UBN2: variants seen among roughly 807,000 people sequenced by gnomAD.
UBN2 encodes ubinuclein-2.
Under a neutral mutation model 120.2 loss-of-function variants are expected in UBN2, and 35 were observed. That is an observed-to-expected ratio of 0.29 (90% CI 0.22 to 0.39). The LOEUF (loss-of-function observed/expected upper bound fraction) is 0.39. Among genes scored for constraint, UBN2 ranks in the 10% least tolerant of loss-of-function variants. UBN2 has a pLI of 1.00. For missense variants in UBN2, 1,693 were observed against 1,663.2 expected, an observed-to-expected ratio of 1.02 and a Z score of -0.31; for synonymous variants, 661 against 648.7, an observed-to-expected ratio of 1.02 and a Z score of -0.29.
Position 139,231,786 on chromosome 7 carries a change from C to A in UBN2, c.302C>A (p.Pro101Gln). Residue 101 changes from proline to glutamine, a missense_variant, in exon 1 of 18, where the codon CCG (proline) becomes CAG (glutamine). This residue lies in a region of UBN2 where 663 missense variants were observed against 591.2 expected (regional missense o/e 1.12). Transcript: ENST00000473989. ...CCCGAGCCGCCGCCGCCGTTCCCGC[C>A]GCTGCCCTTGCAGCCGCCCCCGCCG... is the stretch of plus-strand genomic sequence containing the variant. ...PRPEPPPPFP[P>Q]LPLQPPPPRE... 7.3e-7 allele frequency: 1 copy of A among 1,373,578 alleles called. No individual in the cohort carries two copies. The highest frequency in any genetic ancestry group is 3.0e-5 in the Admixed American group (1 of 33,366). The allele number at this position is 1,373,578 out of a possible 1,614,324, so 85.1% of individuals were successfully genotyped here.
At chr7:139,309,504 T>C (rs889683340), downstream of UBN2, among the ~76,000 whole-genome samples, 3 of 152,264 alleles carry the variant, frequency 2.0e-5, no homozygotes, top group Non-Finnish European at 4.4e-5. Context: ...AACTGTGTTT[T>C]CACCATCTTG....
In UBN2 at chr7:139,299,282, A is replaced by G. The variant is rs113397890; in HGVS notation, c.*1446A>G. 52 of 152,278 alleles carry G rather than the reference A, an allele frequency of 3.4e-4. No individual in the cohort carries two copies. The highest frequency in any genetic ancestry group is 1.1e-3 in the African/African-American group (45 of 41,582). 9.4% of individuals were successfully genotyped at this position (152,278 alleles called of 1,614,324 possible). On this transcript the variant is annotated 3_prime_UTR_variant, in exon 18 of 18. Transcript: ENST00000473989. ...ACTCTAAATGGTATAAGCTTCATCC[A>G]TTTATAATGACACTAACCTAAAAAA...
intron 8 of UBN2, among the ~76,000 whole-genome samples, chr7:139,271,304 T>A (rs1251891271): frequency 6.6e-6 from 1 of 152,212 alleles, no homozygotes; most frequent in African/African-American, 2.4e-5. Context: ...TAAAAACAGT[T>A]GTTTTGGCTG....
At chr7:139,266,534 A>G (rs974818284) in intron 7 of UBN2, 131 bp downstream of exon 7, 12 of 487,998 alleles carry the variant, frequency 2.5e-5, no homozygotes, top group Non-Finnish European at 4.5e-5. Context: ...AGCATGTATG[A>G]TTCACATTTG....
At chr7:139,242,144 A>T (rs1404944399) in intron 2 of UBN2, among the ~76,000 whole-genome samples, 3 of 152,218 alleles carry the variant, frequency 2.0e-5, no homozygotes, top group Non-Finnish European at 4.4e-5. Context: ...GGCTAAGTGG[A>T]AAGAAATATA....
intron 2 of UBN2, among the ~76,000 whole-genome samples, chr7:139,244,265 ACTGCCAGGCAGAACCACT>A (rs1468848144): frequency 9.9e-5 from 15 of 152,204 alleles, no homozygotes; most frequent in Non-Finnish European, 1.8e-4. Context: ...CTGTAAGTCC[ACTGCCAGGCAGAACCACT>A]GTGAATAGTT....
At chr7:139,232,699 T>A (rs960128900) in intron 1 of UBN2, among the ~76,000 whole-genome samples, 2 of 152,230 alleles carry the variant, frequency 1.3e-5, no homozygotes, top group Admixed American at 6.5e-5. Flanking sequence ...CCCGTCATAT[T>A]ATTTAAGTGT....
the UBN2 span, among the ~76,000 whole-genome samples, chr7:139,324,669 C>T: frequency 6.7e-6 from 1 of 150,224 alleles, no homozygotes; most frequent in Middle Eastern, 3.4e-3. Flanking sequence ...AAATAACGTG[C>T]TAAAGATTTT....
At position 139,239,551 on chromosome 7, in the gene UBN2, C is replaced by CTTTTTT. The variant is rs774812960; in HGVS notation, c.561+2472_561+2477dup. Among the ~76,000 whole-genome samples, 13 of 94,574 alleles carry CTTTTTT rather than the reference C, an allele frequency of 1.4e-4. 1 individual carries two copies. Among genetic ancestry groups the CTTTTTT allele is most frequent in the African/African-American group, 4.6e-4 (10 of 21,962 alleles). 62.0% of individuals were successfully genotyped at this position (94,574 alleles called of 152,430 possible). A position where few individuals can be genotyped will look rare whatever the true frequency, so the allele number is the denominator to read the frequency against. On this transcript the variant is annotated intron_variant, in intron 2 of 17. Transcript: ENST00000473989. ...TCCCTCCATCACTATATTAGAGTGTCTTTTTTTTTTTTTTTTTTTTTTTGA... is the reference window on the plus strand; with the variant it reads ...TCCCTCCATCACTATATTAGAGTGTCTTTTTTTTTTTTTTTTTTTTTTTTTTTTTGA...
chr7:139,312,492 G>A (rs529604134), downstream of UBN2, among the ~76,000 whole-genome samples: 41 of 152,294 alleles, frequency 2.7e-4, no homozygotes, highest in Admixed American at 6.5e-4. Context: ...GTGATAGTTA[G>A]TCTTCCCTTC....
the UBN2 span, among the ~76,000 whole-genome samples, chr7:139,320,200 G>A: frequency 6.6e-6 from 1 of 152,102 alleles, no homozygotes; most frequent in Non-Finnish European, 1.5e-5. Flanking sequence ...GATGGCTCAT[G>A]CCTGTAATCC....
At chr7:139,315,836 G>A in the UBN2 span, among the ~76,000 whole-genome samples, 2 of 152,032 alleles carry the variant, frequency 1.3e-5, no homozygotes, top group African/African-American at 4.8e-5. Flanking sequence ...CAGCACTTTG[G>A]GGGGCAGAGG....
In UBN2 at chr7:139,283,592, A is replaced by G. The variant is rs1364376923; in HGVS notation, c.2687A>G (p.His896Arg). Reference protein sequence around the residue: ...QIHTSSSSQTHVSSSSQAQIA... With the variant: ...QIHTSSSSQTRVSSSSQAQIA... ...CACACTTCTTCCTCTTCACAGACCC[A>G]TGTCTCCTCTTCTTCCCAAGCCCAA... The change falls in exon 15 of 18, where the codon CAT becomes CGT. Residue 896 changes from histidine to arginine, a missense_variant. By Grantham distance (29) the His-to-Arg change is conservative. Transcript: ENST00000473989. The G allele has an allele frequency of 1.2e-6, 2 of 1,614,112 alleles. No homozygotes were observed. Among genetic ancestry groups the G allele is most frequent in the Non-Finnish European group, 1.7e-6 (2 of 1,180,012 alleles).
chr7:139,310,271 AATCT>A (rs753736419), downstream of UBN2, among the ~76,000 whole-genome samples: 11 of 151,848 alleles, frequency 7.2e-5, no homozygotes, highest in Non-Finnish European at 1.0e-4. Context: ...AGGTTGCAGT[AATCT>A]ATCCTGGGCA....
chr7:139,255,501 C>T (rs1004269774), intron 3 of UBN2, among the ~76,000 whole-genome samples: 38 of 152,170 alleles, frequency 2.5e-4, no homozygotes, highest in African/African-American at 8.9e-4. Context: ...TTTGTAGATA[C>T]GAATTGCTTA....
intron 3 of UBN2, among the ~76,000 whole-genome samples, chr7:139,252,597 T>C (rs1260265234): frequency 6.6e-6 from 1 of 152,210 alleles, no homozygotes; most frequent in Non-Finnish European, 1.5e-5. Context: ...GCCGGTGGGC[T>C]GGATTTGGCC....
In UBN2 at chr7:139,294,002, A is replaced by G. The variant is rs111714543; in HGVS notation, c.3994+21A>G. 3 of 1,605,208 alleles carry G rather than the reference A, an allele frequency of 1.9e-6. No homozygotes were observed. In the East Asian group the frequency reaches 6.7e-5, roughly 36 times the overall value. ...TCACGGTGAGAACGCCACCTCCTTC[A>G]TCTCTTTCTTATTTGTATAGGCTTA... On this transcript the variant is annotated intron_variant, in intron 17 of 17. Coordinates refer to ENST00000473989, the MANE Select transcript of UBN2 (RefSeq NM_173569.4).
intron 2 of UBN2, among the ~76,000 whole-genome samples, chr7:139,248,189 G>T (rs2130952278): frequency 6.6e-6 from 1 of 152,244 alleles, no homozygotes; most frequent in South Asian, 2.1e-4. Context: ...TTCGAAATAA[G>T]CTATGTAGAA....
chr7:139,272,083 T>C (rs1340868993), intron 8 of UBN2, among the ~76,000 whole-genome samples: 11 of 152,188 alleles, frequency 7.2e-5, no homozygotes, highest in Admixed American at 1.3e-4. Context: ...TTAATAATTA[T>C]GCTGGGCGAC....
Sources: gnomAD v4.1 joint callset for allele counts (sites outside exome capture counted in the v4.1 genomes callset) on GRCh38, gnomAD v4.1.1 for gene constraint, gnomAD v4.1.1 regional missense constraint, MANE v1.5 for transcripts, NCBI Gene and HGNC (gene_info 2026-07-23, HGNC 2026-07-21) for gene names.